Variants in PPM1J observed in about 807,000 individuals in gnomAD.
The protein encoded by PPM1J is protein phosphatase 1J.
Under a neutral mutation model 53.3 loss-of-function variants are expected in PPM1J, and 43 were observed. The observed-to-expected ratio is 0.81, with a 90% CI of 0.63 to 1.04. The LOEUF (loss-of-function observed/expected upper bound fraction) is 1.04. PPM1J is among the 50% of genes least tolerant of loss of function. The probability of loss-of-function intolerance (pLI) is 0.00; values close to 1 mark genes in which losing one functional copy is unlikely to be tolerated. For missense variants in PPM1J, 635 were observed against 685.9 expected (o/e 0.93, Z 0.83); for synonymous variants, 267 against 286.4 (o/e 0.93, Z 0.68).
chr1:112,715,044 G>A lies in PPM1J; in HGVS notation c.258C>T (p.His86=), dbSNP rs770855686. ...GGGGGCTTTGCACAGCCCGGCCCGC[G>A]TGGTCATCGGCGCGTCGCAGCCCCC... ...SPGGLRRADD[H]AGRAVQSPPD... The change falls in exon 1 of 10, where the codon CAC becomes CAT. Residue 86 remains histidine, a synonymous_variant. Coordinates refer to ENST00000309276, the MANE Select transcript of PPM1J (RefSeq NM_005167.7). The surrounding 1 kb of genome is among the most constrained non-coding windows in gnomAD (Gnocchi z 4.4). 2 of 1,532,508 alleles carry A rather than the reference G, an allele frequency of 1.3e-6. No homozygotes were observed. The highest frequency in any genetic ancestry group is 1.4e-5 in the African/African-American group (1 of 70,632). The allele number at this position is 1,532,508 out of a possible 1,614,324, so 94.9% of individuals were successfully genotyped here.
Position 112,713,038 on chromosome 1 carries a change from G to C in PPM1J, c.442-7C>G, listed in dbSNP as rs749201439. 2 of 1,582,596 alleles carry C rather than the reference G, an allele frequency of 1.3e-6. No homozygotes were observed. The highest frequency in any genetic ancestry group is 2.3e-5 in the East Asian group (1 of 44,430). On this transcript the variant is annotated splice_region_variant and splice_polypyrimidine_tract_variant and intron_variant, in intron 2 of 9. Coordinates refer to ENST00000309276, the MANE Select transcript of PPM1J (RefSeq NM_005167.7). ...AGTAGTAGAAGCAGAGTCCCTGGTG[G>C]AGGAAAAGTTGGAGGTGAGTTTTGT...
rs369486057 is a variant in PPM1J, at chr1:112,710,758, A to C, written c.1204T>G (p.Ser402Ala). 9.5e-5 allele frequency: 154 copies of C among 1,614,142 alleles called. No individual in the cohort carries two copies. Among genetic ancestry groups the C allele is most frequent in the Admixed American group, 1.5e-4 (9 of 60,026 alleles). Residue 402 changes from serine (S) to alanine (A), a missense_variant, in exon 8 of 10, where the codon TCC becomes GCC. By Grantham distance (99) the Ser-to-Ala change is moderately conservative. Transcript: ENST00000309276. ...AAGGGGCTCACCTCAGGGAAGCAGG[A>C]GAGAAAGGGCTTGATGGGCAGGGTG... is the stretch of plus-strand genomic sequence containing the variant. Reference protein sequence around the residue: ...SSTLPIKPFLSCFPEVRVYDL... With the variant: ...SSTLPIKPFLACFPEVRVYDL...
At position 112,710,255 on chromosome 1, in the gene PPM1J, G is replaced by A. The variant is rs775493631; in HGVS notation, c.1426C>T (p.Arg476Cys). Reference sequence around the variant, plus strand: ...TTGTTGTTGGGGAGACGCCAGCCACGGTCTCGGGGGGTACCCCGGGCCCCC... The same window carrying A: ...TTGTTGTTGGGGAGACGCCAGCCACAGTCTCGGGGGGTACCCCGGGCCCCC... The part of the protein sequence containing the change: ...VLGARGTPRD[R>C]GWRLPNNKLG... Residue 476 changes from arginine (R) to cysteine (C), a missense_variant, in exon 10 of 10, where the codon CGT (arginine) becomes TGT (cysteine). Arg to Cys is a radical substitution (Grantham distance 180). Transcript: ENST00000309276. 8.8e-6 allele frequency: 14 copies of A among 1,594,784 alleles called. No individual in the cohort carries two copies. The Admixed American group carries it at 9.6e-5, about 11-fold the overall frequency.
Position 112,713,455 on chromosome 1 carries a change from G to A in PPM1J, c.441+42C>T, listed in dbSNP as rs765895690. On this transcript the variant is annotated intron_variant, in intron 2 of 9. Transcript: ENST00000309276. Reference sequence around the variant, plus strand: ...AAAACCAGAGGCCTGAGTCCCTGGGGAGAGGTGTCACTGTGTCTCTGGGAA... The same window carrying A: ...AAAACCAGAGGCCTGAGTCCCTGGGAAGAGGTGTCACTGTGTCTCTGGGAA... The A allele has an allele frequency of 2.0e-5, 27 of 1,384,092 alleles. No individual in the cohort carries two copies. The South Asian group carries it at 2.3e-4, about 12-fold the overall frequency. 85.7% of individuals were successfully genotyped at this position (1,384,092 alleles called of 1,614,324 possible).
At chr1:112,713,755 G>A in intron 1 of PPM1J, 144 bp from the exon 2 acceptor site, 1 of 727,386 alleles carries the variant, frequency 1.4e-6, no homozygotes, top group Non-Finnish European at 2.4e-6. Flanking sequence ...AGAGGGAGGA[G>A]GAGAAGGGAG....
chr1:112,714,126 C>T (rs1675137212), intron 1 of PPM1J: 2 of 1,001,660 alleles, frequency 2.0e-6, no homozygotes, highest in Non-Finnish European at 2.4e-6. Context: ...CAGCCCAGAT[C>T]GGGAAAGAGG....
chr1:112,712,313 C>T (rs1345274901), intron 4 of PPM1J, 32 bp downstream of exon 4: 1 of 1,509,462 alleles, frequency 6.6e-7, no homozygotes, highest in Admixed American at 1.9e-5. Flanking sequence ...GTGTGGCCCT[C>T]TGTCGCCACC....
intron 4 of PPM1J, 36 bp downstream of exon 4, chr1:112,712,309 C>T (rs1344991073): frequency 1.4e-6 from 2 of 1,477,496 alleles, no homozygotes; most frequent in African/African-American, 1.4e-5. Context: ...GAGAGTGTGG[C>T]CCTCTGTCGC....
intron 4 of PPM1J, 51 bp downstream of exon 4, chr1:112,712,294 A>G (rs1055907460): frequency 7.2e-7 from 1 of 1,388,924 alleles, no homozygotes; most frequent in African/African-American, 1.4e-5. Context: ...TATTCCCCCA[A>G]CTCAGAGAGT....
Position 112,710,560 on chromosome 1 carries a change from C to G in PPM1J, c.1270G>C (p.Val424Leu). ...QYEHCPDDVL[V>L]LGTDGLWDVT... is the part of the protein sequence containing the mutation. ...TCCCACAGGCCATCTGTTCCCAGGA[C>G]TAGCACATCATCTGGGCAGTGCTCA... is the stretch of plus-strand genomic sequence containing the variant. Residue 424 changes from valine to leucine, a missense_variant, in exon 9 of 10, where the codon GTC becomes CTC. By Grantham distance (32) the Val-to-Leu change is conservative. Coordinates refer to ENST00000309276, the MANE Select transcript of PPM1J (RefSeq NM_005167.7). 1 of 1,614,194 alleles carries G rather than the reference C, an allele frequency of 6.2e-7. No individual in the cohort carries two copies.
chr1:112,712,287 T>C (rs1675081450), intron 4 of PPM1J, 58 bp downstream of exon 4: 3 of 1,338,422 alleles, frequency 2.2e-6, no homozygotes, highest in Non-Finnish European at 3.1e-6. Context: ...TCTCCTGTAT[T>C]CCCCCAACTC....
In PPM1J at chr1:112,710,164, CAGG is replaced by C; in HGVS notation, c.1514_1516del (p.Ser505del). 6.4e-7 allele frequency: 1 copy of C among 1,560,398 alleles called. No individual in the cohort carries two copies. The highest frequency in any genetic ancestry group is 2.3e-5 in the East Asian group (1 of 44,248). On this transcript the variant is annotated inframe_deletion, in exon 10 of 10. Coordinates refer to ENST00000309276, the MANE Select transcript of PPM1J (RefSeq NM_005167.7). ...GTGGGAGGGATGGTGTTCAGCCCCT[CAGG>C]AGTAACTGCCTGGCCCTCCCAGGGG...
At chr1:112,710,350 A>G (rs1675028316) in intron 9 of PPM1J, 40 bp from the exon 10 acceptor site, 1 of 1,612,754 alleles carries the variant, frequency 6.2e-7, no homozygotes, top group African/African-American at 1.3e-5. Context: ...ACCAACATGT[A>G]TGTGGGAAGA....
chr1:112,715,323 C>A lies in PPM1J; in HGVS notation c.-22G>T. The A allele has an allele frequency of 8.1e-7, 1 of 1,229,012 alleles. No individual in the cohort carries two copies. Among genetic ancestry groups the A allele is most frequent in the Non-Finnish European group, 1.0e-6 (1 of 985,906 alleles). 76.1% of individuals were successfully genotyped at this position (1,229,012 alleles called of 1,614,324 possible). On this transcript the variant is annotated 5_prime_UTR_variant, in exon 1 of 10. Transcript: ENST00000309276. This position sits in a 1 kb window ranked among gnomAD's most constrained non-coding sequence, Gnocchi z 4.4. ...GCATGCTGCCTCCCTGCCCCGCCCT[C>A]GGCCGCGGCCCCGCCCCCGCCCAGG... is the stretch of plus-strand genomic sequence containing the variant.
chr1:112,713,057 GT>G, intron 2 of PPM1J, 26 bp from the exon 3 acceptor site: 3 of 1,495,310 alleles, frequency 2.0e-6, no homozygotes, highest in Non-Finnish European at 2.7e-6. Context: ...TTGGAGGTGA[GT>G]TTTGTTTGTG....
At chr1:112,713,419 G>C (rs1675120764) in intron 2 of PPM1J, 78 bp downstream of exon 2, 1 of 993,300 alleles carries the variant, frequency 1.0e-6, no homozygotes, top group Non-Finnish European at 1.6e-6. Flanking sequence ...TCTTCCGCAT[G>C]GCTCAGATTT....
Position 112,710,224 on chromosome 1 carries a change from C to T in PPM1J, c.1457G>A (p.Gly486Asp). Residue 486 changes from glycine (G) to aspartate (D), a missense_variant, in exon 10 of 10, where the codon GGT becomes GAT. Transcript: ENST00000309276. ...RGWRLPNNKL[G>D]SGDDISVFVI... ...GAAGACAGAGATGTCATCCCCGGAA[C>T]CCAGCTTGTTGTTGGGGAGACGCCA... is the stretch of plus-strand genomic sequence containing the variant. 6.3e-7 allele frequency: 1 copy of T among 1,587,538 alleles called. No individual in the cohort carries two copies. The highest frequency in any genetic ancestry group is 1.1e-5 in the South Asian group (1 of 87,110).
At chr1:112,712,590 G>A (rs12137976) in intron 3 of PPM1J, 133 bp from the exon 4 acceptor site, 1 of 1,105,522 alleles carries the variant, frequency 9.0e-7, no homozygotes, top group Non-Finnish European at 1.3e-6. Context: ...AGGGAAGACT[G>A]GGGTGTAACT....
intron 3 of PPM1J, 105 bp downstream of exon 3, chr1:112,712,639 G>T: frequency 7.9e-7 from 1 of 1,268,384 alleles, no homozygotes; most frequent in Non-Finnish European, 1.1e-6. Context: ...CTCTGCTCAG[G>T]CTCTCAAAGG....
Sources: gnomAD v4.1 joint callset for allele counts on GRCh38, gnomAD v4.1.1 for gene constraint, Gnocchi (gnomAD v3.1) non-coding constraint, MANE v1.5 for transcripts, NCBI Gene and HGNC (gene_info 2026-07-23, HGNC 2026-07-21) for gene names.